The following SNAPC4 variants were observed in gnomAD, a reference collection of about 807,000 sequenced individuals.
SNAPC4 encodes the protein small nuclear RNA activating complex polypeptide 4, also known as snRNA-activating protein complex subunit 4.
SNAPC4 carries 127 observed loss-of-function variants against 151.3 expected under a neutral mutation model. The ratio of observed to expected loss-of-function variants is 0.84; its 90% CI spans 0.73 to 0.97. The LOEUF (loss-of-function observed/expected upper bound fraction) is 0.97, where lower values mean the gene tolerates loss of function less well. Among genes scored for constraint, SNAPC4 ranks in the 50% least tolerant of loss-of-function variants. SNAPC4 has a pLI of 0.00. For missense variants in SNAPC4, 2,186 were observed against 1,935.0 expected (o/e 1.13, Z -2.43); for synonymous variants, 1,002 against 824.4 (o/e 1.22, Z -3.69).
intron 1 of SNAPC4, among the ~76,000 whole-genome samples, 164 bp downstream of exon 1, chr9:136,399,970 C>T (rs1277349094): frequency 6.6e-6 from 1 of 152,112 alleles, no homozygotes; most frequent in Non-Finnish European, 1.5e-5. Context: ...CCAGGCTCGG[C>T]CGGACGGGGG....
In SNAPC4 at chr9:136,377,946, A is replaced by G. The variant is rs1833519724; in HGVS notation, c.3881T>C (p.Val1294Ala). Residue 1294 changes from valine (V) to alanine (A), a missense_variant, in exon 22 of 24, where the codon GTG becomes GCG. Physicochemically the swap from Val to Ala is moderately conservative, Grantham distance 64. Transcript: ENST00000684778. ...QWLGGQRGVR[V>A]PLLGSRLPYQ... ...GGGCAGTCTGCTGCCCAGAAGAGGCACACGCACCCCCCGCTGGCCCCCCAG... is the reference window on the plus strand; with the variant it reads ...GGGCAGTCTGCTGCCCAGAAGAGGCGCACGCACCCCCCGCTGGCCCCCCAG... 1 of 1,604,936 alleles carries G rather than the reference A, an allele frequency of 6.2e-7. No individual in the cohort carries two copies. Among genetic ancestry groups the G allele is most frequent in the African/African-American group, 1.3e-5 (1 of 74,878 alleles).
chr9:136,375,957 G>A (rs1833429848), intron 23 of SNAPC4, among the ~76,000 whole-genome samples, 157 bp from the exon 24 acceptor site: 1 of 152,214 alleles, frequency 6.6e-6, no homozygotes, highest in Non-Finnish European at 1.5e-5. Flanking sequence ...CCAGGCCAGG[G>A]CACCAGGGCT....
rs774099698 is a variant in SNAPC4, at chr9:136,377,599, C to A, written c.4228G>T (p.Glu1410Ter). Reference sequence around the variant, plus strand: ...GGCTGCCCGTCCCTGTCTGCAAGTTCCAGCTCACTCAGGAGGTCTTCATCC... The same window carrying A: ...GGCTGCCCGTCCCTGTCTGCAAGTTACAGCTCACTCAGGAGGTCTTCATCC... Reference protein sequence around the residue: ...SEDEDLLSELELADRDGQPGC... With the variant: ...SEDEDLLSEL Residue 1410 changes from glutamate to a stop codon, truncating the protein, a stop_gained, in exon 22 of 24, where the codon GAA becomes TAA. Coordinates refer to ENST00000684778, the MANE Select transcript of SNAPC4 (RefSeq NM_003086.4). LOFTEE classifies it high-confidence loss of function. The A allele has an allele frequency of 6.5e-7, 1 of 1,537,878 alleles. No individual in the cohort carries two copies. Among genetic ancestry groups the A allele is most frequent in the Non-Finnish European group, 8.8e-7 (1 of 1,139,766 alleles).
chr9:136,396,037 C>A (rs968322188), intron 3 of SNAPC4, among the ~76,000 whole-genome samples: 1 of 152,248 alleles, frequency 6.6e-6, no homozygotes. Context: ...GCCAGGGCTG[C>A]GGCTGCTGCA....
At chr9:136,376,263 C>T in intron 23 of SNAPC4, 86 bp downstream of exon 23, 2 of 1,510,618 alleles carry the variant, frequency 1.3e-6, no homozygotes, top group Non-Finnish European at 1.8e-6. Context: ...CGCCAAAGAG[C>T]CGAGCAGAGG....
In SNAPC4 at chr9:136,378,579, T is replaced by C; in HGVS notation, c.3248A>G (p.Gln1083Arg). 3 of 1,587,616 alleles carry C rather than the reference T, an allele frequency of 1.9e-6. No homozygotes were observed. The highest frequency in any genetic ancestry group is 2.6e-6 in the Non-Finnish European group (3 of 1,169,972). Residue 1083 changes from glutamine to arginine, a missense_variant, in exon 22 of 24, where the codon CAG becomes CGG. Physicochemically the swap from Gln to Arg is conservative, Grantham distance 43. Transcript: ENST00000684778. ...PLPVTWVLTA[Q>R]GLLPVPVPAV... ...TGGTACAGGAACAGGGAGAAGCCCC[T>C]GGGCTGTGAGCACCCAGGTGACAGG...
chr9:136,395,606 C>T lies in SNAPC4; in HGVS notation c.342G>A (p.Gln114=). 1.2e-6 allele frequency: 2 copies of T among 1,610,198 alleles called. No individual in the cohort carries two copies. The highest frequency in any genetic ancestry group is 1.7e-6 in the Non-Finnish European group (2 of 1,178,282). The part of the protein sequence containing the change: ...ANLLLAQNRE[Q]QEELMRDLAG... Reference sequence around the variant, plus strand: ...GGGGGGCCGAGGCCCATCCCACCTGCTGCTCCCGGTTCTGGGCCAGCAGCA... The same window carrying T: ...GGGGGGCCGAGGCCCATCCCACCTGTTGCTCCCGGTTCTGGGCCAGCAGCA... The change falls in exon 4 of 24, where the codon CAG becomes CAA. Residue 114 remains glutamine, a synonymous_variant. Transcript: ENST00000684778.
chr9:136,378,387 G>GA lies in SNAPC4; in HGVS notation c.3439dup (p.Ser1147PhefsTer40). 6.2e-7 allele frequency: 1 copy of GA among 1,610,406 alleles called. No individual in the cohort carries two copies. Among genetic ancestry groups the GA allele is most frequent in the Non-Finnish European group, 8.5e-7 (1 of 1,179,416 alleles). ...AGGAGCTGGGGTGTCTGTCCTGCAG[G>GA]AAGGCTCCGGTTCCCTGTTCATATT... On this transcript the variant is annotated frameshift_variant, in exon 22 of 24. Coordinates refer to ENST00000684778, the MANE Select transcript of SNAPC4 (RefSeq NM_003086.4). LOFTEE classifies it high-confidence loss of function.
At chr9:136,385,616 C>T (rs567043201) in intron 13 of SNAPC4, among the ~76,000 whole-genome samples, 38 of 151,754 alleles carry the variant, frequency 2.5e-4, no homozygotes, top group South Asian at 1.1e-3. Flanking sequence ...AGTGCAGTGG[C>T]GCAATCTCAG....
intron 11 of SNAPC4, 102 bp downstream of exon 11, chr9:136,388,342 G>T: frequency 8.2e-7 from 1 of 1,226,286 alleles, no homozygotes; most frequent in Non-Finnish European, 1.1e-6. Flanking sequence ...CTAAGCCCTC[G>T]TCTGTCTTGT....
At chr9:136,395,548 G>T (rs569679836) in intron 4 of SNAPC4, 55 bp downstream of exon 4, 81 of 1,569,688 alleles carry the variant, frequency 5.2e-5, no homozygotes, top group Admixed American at 1.1e-4. Context: ...GCCCAGCTGT[G>T]GGGGGCTCTG....
intron 9 of SNAPC4, 95 bp downstream of exon 9, chr9:136,392,427 G>A (rs1288862899): frequency 1.6e-6 from 2 of 1,217,056 alleles, no homozygotes; most frequent in African/African-American, 3.0e-5. Context: ...CTGTTGCCAG[G>A]GAGGGTGTGG....
Position 136,392,057 on chromosome 9 carries a change from G to A in SNAPC4, c.860C>T (p.Ser287Leu), listed in dbSNP as rs780415920. 3.8e-5 allele frequency: 61 copies of A among 1,612,362 alleles called. No homozygotes were observed. The East Asian group carries it at 6.7e-4, about 18-fold the overall frequency. ...AEEIRKFWQNSEHPSINKQEW... is the reference protein window; with the variant it reads ...AEEIRKFWQNLEHPSINKQEW... ...CTGCTTGTTGATGCTGGGGTGCTCC[G>A]AGTTCTGCCAGAACTTCCGGATCTC... is the stretch of plus-strand genomic sequence containing the variant. The change falls in exon 10 of 24, where the codon TCG becomes TTG. Residue 287 changes from serine to leucine, a missense_variant. Physicochemically the swap from Ser to Leu is moderately radical, Grantham distance 145. Transcript: ENST00000684778.
rs1350943964 is a variant in SNAPC4, at chr9:136,378,373, T to G, written c.3454A>C (p.Thr1152Pro). 1 of 1,611,012 alleles carries G rather than the reference T, an allele frequency of 6.2e-7. No individual in the cohort carries two copies. Among genetic ancestry groups the G allele is most frequent in the Non-Finnish European group, 8.5e-7 (1 of 1,179,486 alleles). The change falls in exon 22 of 24, where the codon ACC (threonine) becomes CCC (proline). Residue 1152 changes from threonine (T) to proline (P), a missense_variant. Transcript: ENST00000684778. ...AGGGCGTGTGTGGGAGGAGCTGGGG[T>G]GTCTGTCCTGCAGGAAGGCTCCGGT... is the stretch of plus-strand genomic sequence containing the variant. ...REPEPSCRTD[T>P]PAPPTHALSQ...
In SNAPC4 at chr9:136,378,266, G is replaced by A. The variant is rs371054583; in HGVS notation, c.3561C>T (p.Pro1187=). ...GAGGGTCAGCGTGGGAGGACGTCCT[G>A]GGCTCAGGTATCTCCCTGGCCACCT... ...EAQVAREIPE[P]RTSSHADPPE... is the part of the protein sequence containing the mutation. The change falls in exon 22 of 24, where the codon CCC becomes CCT. Residue 1187 remains proline, a synonymous_variant. Transcript: ENST00000684778. 6.2e-6 allele frequency: 10 copies of A among 1,607,136 alleles called. No homozygotes were observed. Among genetic ancestry groups the A allele is most frequent in the African/African-American group, 4.0e-5 (3 of 75,000 alleles).
chr9:136,379,396 G>T, intron 21 of SNAPC4, 97 bp from the exon 22 acceptor site: 1 of 1,550,242 alleles, frequency 6.5e-7, no homozygotes, highest in Non-Finnish European at 8.7e-7. Flanking sequence ...ACCATGTGGG[G>T]AGCCTGGGGT....
At chr9:136,376,561 G>A in intron 22 of SNAPC4, 80 bp from the exon 23 acceptor site, 1 of 1,544,314 alleles carries the variant, frequency 6.5e-7, no homozygotes, top group Non-Finnish European at 8.9e-7. Context: ...GAGTGAGGAG[G>A]GGCCCTGTGG....
At chr9:136,392,453 C>G in intron 9 of SNAPC4, 69 bp downstream of exon 9, 1 of 1,502,568 alleles carries the variant, frequency 6.7e-7, no homozygotes, top group Non-Finnish European at 9.2e-7. Flanking sequence ...CCACCCAATT[C>G]CAACTGCACC....
At chr9:136,380,596 C>T (rs534109359) in intron 20 of SNAPC4, 144 bp downstream of exon 20, 2 of 600,304 alleles carry the variant, frequency 3.3e-6, no homozygotes, top group East Asian at 2.8e-5. Context: ...CTCAAGGCTG[C>T]GTCCCCTCAG....
Sources: gnomAD v4.1 joint callset for allele counts (sites outside exome capture counted in the v4.1 genomes callset) on GRCh38, gnomAD v4.1.1 for gene constraint, MANE v1.5 for transcripts, NCBI Gene and HGNC (gene_info 2026-07-23, HGNC 2026-07-21) for gene names.